The following COL6A6 variants were observed in gnomAD, a reference collection of about 807,000 sequenced individuals.
COL6A6 encodes the protein collagen type VI alpha 6 chain.
In COL6A6, 183 loss-of-function variants were observed where a neutral mutation model predicts 208.6. That is an observed-to-expected ratio of 0.88 (90% CI 0.78 to 0.99). The LOEUF (loss-of-function observed/expected upper bound fraction) is 0.99. Among genes scored for constraint, COL6A6 ranks in the 50% least tolerant of loss-of-function variants. COL6A6 has a pLI of 0.00. For missense variants in COL6A6, 2,816 were observed against 2,815.2 expected (o/e 1.00, Z -0.01); for synonymous variants, 973 against 1,011.8 (o/e 0.96, Z 0.73).
chr3:130,549,542 T>C (rs2062595823), intron 1 of COL6A6, among the ~76,000 whole-genome samples: 1 of 152,226 alleles, frequency 6.6e-6, no homozygotes, highest in South Asian at 2.1e-4. Flanking sequence ...TTCAGTTTTT[T>C]AAATCCATCT....
intron 33 of COL6A6, 69 bp downstream of exon 33, chr3:130,649,631 A>C (rs2065576464): frequency 1.4e-6 from 2 of 1,421,898 alleles, no homozygotes; most frequent in Middle Eastern, 1.9e-4. Flanking sequence ...CCCCTATACT[A>C]CCTTGCCTTC....
At chr3:130,590,971 G>A in intron 12 of COL6A6, 70 bp from the exon 13 acceptor site, 1 of 1,166,148 alleles carries the variant, frequency 8.6e-7, no homozygotes, top group Non-Finnish European at 1.3e-6. Context: ...CTGTAAAACT[G>A]AATTTGGTTT....
intron 1 of COL6A6, among the ~76,000 whole-genome samples, chr3:130,520,368 A>G (rs186799633): frequency 6.6e-6 from 1 of 152,364 alleles, no homozygotes; most frequent in African/African-American, 2.4e-5. Flanking sequence ...TTTCTAAATG[A>G]AAAAATAACT....
chr3:130,568,132 A>G lies in COL6A6; in HGVS notation c.1929A>G (p.Thr643=). ...CTGAAAACTTCAGCAAAATGAAAAC[A>G]TTTATGAAAAACCTGGTGAGCAAGT... ...IGPENFSKMK[T]FMKNLVSKSQ... The change falls in exon 6 of 37, where the codon ACA becomes ACG. Residue 643 remains threonine, a synonymous_variant. Coordinates refer to ENST00000358511, the MANE Select transcript of COL6A6 (RefSeq NM_001102608.3). 1 of 1,614,046 alleles carries G rather than the reference A, an allele frequency of 6.2e-7. No individual in the cohort carries two copies. The highest frequency in any genetic ancestry group is 8.5e-7 in the Non-Finnish European group (1 of 1,179,888).
Position 130,568,210 on chromosome 3 carries a change from C to T in COL6A6, c.2007C>T (p.Ile669=). The T allele has an allele frequency of 1.2e-6, 2 of 1,613,982 alleles. No homozygotes were observed. Among genetic ancestry groups the T allele is most frequent in the Non-Finnish European group, 1.7e-6 (2 of 1,179,890 alleles). Residue 669 remains isoleucine, a synonymous_variant, in exon 6 of 37, where the codon ATC becomes ATT. Transcript: ENST00000358511. ...VQIGVVQFSD[I]NKEEFQLNRF... is the part of the protein sequence containing the mutation. ...TTGGTGTAGTCCAGTTCAGCGACAT[C>T]AATAAGGAAGAGTTTCAGCTCAACA...
chr3:130,642,239 T>TTA (rs1338988260), intron 29 of COL6A6, among the ~76,000 whole-genome samples: 4 of 115,608 alleles, frequency 3.5e-5, no homozygotes, highest in African/African-American at 1.2e-4. Flanking sequence ...CTCTGACAGA[T>TTA]TATATGTGTG....
chr3:130,628,600 G>A (rs1412562969), intron 26 of COL6A6, among the ~76,000 whole-genome samples: 1 of 151,930 alleles, frequency 6.6e-6, no homozygotes, highest in Non-Finnish European at 1.5e-5. Context: ...TATCCAGTAG[G>A]GATTATTATA....
At chr3:130,543,469 TG>T (rs755614904) in intron 1 of COL6A6, among the ~76,000 whole-genome samples, 12 of 152,232 alleles carry the variant, frequency 7.9e-5, no homozygotes, top group Non-Finnish European at 1.8e-4. Context: ...GAGCATTTTA[TG>T]ATTACATTTT....
Position 130,565,383 on chromosome 3 carries a change from G to A in COL6A6, c.1051G>A (p.Ala351Thr), listed in dbSNP as rs755585423. Reference protein sequence around the residue: ...HRDSEDNVTKAAVNLRREGVT... With the variant: ...HRDSEDNVTKTAVNLRREGVT... ...AGATTCAGAAGACAACGTGACAAAAGCAGCTGTTAACCTCCGACGGGAGGG... is the reference window on the plus strand; with the variant it reads ...AGATTCAGAAGACAACGTGACAAAAACAGCTGTTAACCTCCGACGGGAGGG... The change falls in exon 4 of 37, where the codon GCA (alanine) becomes ACA (threonine). Residue 351 changes from alanine (A) to threonine (T), a missense_variant. By Grantham distance (58) the Ala-to-Thr change is moderately conservative. Coordinates refer to ENST00000358511, the MANE Select transcript of COL6A6 (RefSeq NM_001102608.3). The A allele has an allele frequency of 5.0e-6, 8 of 1,613,932 alleles. No homozygotes were observed. In the South Asian group the frequency reaches 5.5e-5, roughly 11 times the overall value.
chr3:130,538,043 A>G (rs1047297317), intron 1 of COL6A6, among the ~76,000 whole-genome samples: 1 of 152,236 alleles, frequency 6.6e-6, no homozygotes, highest in African/African-American at 2.4e-5. Flanking sequence ...ACATTAGATA[A>G]AATTCCTTCA....
At chr3:130,564,704 T>G (rs1413172896) in intron 3 of COL6A6, among the ~76,000 whole-genome samples, 1 of 152,268 alleles carries the variant, frequency 6.6e-6, no homozygotes, top group Admixed American at 6.5e-5. Flanking sequence ...ACTGAATGAA[T>G]TTTATGTACC....
chr3:130,541,022 A>G (rs2062350541), intron 1 of COL6A6, among the ~76,000 whole-genome samples: 7 of 152,200 alleles, frequency 4.6e-5, no homozygotes, highest in Admixed American at 3.9e-4. Flanking sequence ...GTATATGCCC[A>G]GTAATGGGAT....
rs2065566379 is a variant in COL6A6 at position 130,649,454 on chromosome 3, C to T, written c.5625C>T (p.Ser1875=). 2 of 1,612,186 alleles carry T rather than the reference C, an allele frequency of 1.2e-6. No individual in the cohort carries two copies. The highest frequency in any genetic ancestry group is 1.7e-6 in the Non-Finnish European group (2 of 1,179,246). The change falls in exon 33 of 37, where the codon TCC becomes TCT. Residue 1875 remains serine, a synonymous_variant. Coordinates refer to ENST00000358511, the MANE Select transcript of COL6A6 (RefSeq NM_001102608.3). Reference sequence around the variant, plus strand: ...CCACATTTTTCAGCAGCGGTCAGTCCGCGGATGCCCACTCCATCACCACGG... The same window carrying T: ...CCACATTTTTCAGCAGCGGTCAGTCTGCGGATGCCCACTCCATCACCACGG... The part of the protein sequence containing the change: ...KIATFFSSGQ[S]ADAHSITTAA...
chr3:130,660,770 A>G (rs1031433559), intron 34 of COL6A6, among the ~76,000 whole-genome samples: 9 of 152,208 alleles, frequency 5.9e-5, no homozygotes, highest in African/African-American at 2.2e-4. Flanking sequence ...CCCCACTACT[A>G]TACCACCTGG....
intron 1 of COL6A6, among the ~76,000 whole-genome samples, chr3:130,558,268 C>T (rs1240348900): frequency 6.6e-6 from 1 of 152,176 alleles, no homozygotes; most frequent in East Asian, 1.9e-4. Context: ...CCCATTCTCC[C>T]TACCTCCCGA....
At chr3:130,590,116 T>G in intron 12 of COL6A6, 1 of 392,704 alleles carries the variant, frequency 2.5e-6, no homozygotes, top group East Asian at 7.4e-5. Flanking sequence ...AGTTTATCAG[T>G]GGCAAATATA....
At chr3:130,553,975 A>G (rs1162255643) in intron 1 of COL6A6, among the ~76,000 whole-genome samples, 4 of 152,172 alleles carry the variant, frequency 2.6e-5, no homozygotes, top group Non-Finnish European at 2.9e-5. Context: ...GCCAAGCCCC[A>G]GCTTAGCACT....
intron 10 of COL6A6, among the ~76,000 whole-genome samples, chr3:130,583,259 C>T (rs534270751): frequency 2.2e-4 from 34 of 152,182 alleles, no homozygotes; most frequent in African/African-American, 7.5e-4. Flanking sequence ...CCCTTATTTA[C>T]GAAGTATGCC....
At chr3:130,672,079 G>A (rs544281259) in intron 36 of COL6A6, among the ~76,000 whole-genome samples, 2 of 152,122 alleles carry the variant, frequency 1.3e-5, no homozygotes, top group African/African-American at 4.8e-5. Flanking sequence ...AAAGAATTCT[G>A]GAAATAGAAG....
Sources: gnomAD v4.1 joint callset for allele counts (sites outside exome capture counted in the v4.1 genomes callset) on GRCh38, gnomAD v4.1.1 for gene constraint, MANE v1.5 for transcripts, NCBI Gene and HGNC (gene_info 2026-07-23, HGNC 2026-07-21) for gene names.